Variants in PALLD observed in about 807,000 individuals in gnomAD.
PALLD encodes the protein palladin.
A neutral mutation model predicts 123.5 loss-of-function variants in PALLD; 61 were observed. That is an observed-to-expected ratio of 0.49 (90% confidence interval 0.40 to 0.61). The LOEUF (loss-of-function observed/expected upper bound fraction) is 0.61. Among genes scored for constraint, PALLD ranks in the 20% least tolerant of loss-of-function variants. PALLD has a pLI of 0.00. For missense variants in PALLD, 1,273 were observed against 1,377.0 expected, an observed-to-expected ratio of 0.92 and a Z score of 1.20; for synonymous variants, 465 against 496.4, an observed-to-expected ratio of 0.94 and a Z score of 0.84.
chr4:168,761,664 T>TTTTTTTTTTTTTTTTTTTTG, intron 10 of PALLD, among the ~76,000 whole-genome samples: 1 of 75,812 alleles, frequency 1.3e-5, no homozygotes, highest in African/African-American at 4.3e-5. Context: ...TTTTTTTTTT[T>TTTTTTTTTTTTTTTTTTTTG]TTTTTTTTTT....
chr4:168,766,439 T>C (rs1733671753), intron 10 of PALLD, among the ~76,000 whole-genome samples: 1 of 152,202 alleles, frequency 6.6e-6, no homozygotes, highest in Admixed American at 6.5e-5. Context: ...ACTCAAATGG[T>C]AGTGTCATGG....
chr4:168,583,080 A>T (rs1770453587), intron 2 of PALLD, among the ~76,000 whole-genome samples: 1 of 152,172 alleles, frequency 6.6e-6, no homozygotes, highest in African/African-American at 2.4e-5. Flanking sequence ...ACTCTCTTCT[A>T]TATATTTCAG....
At position 168,752,468 on chromosome 4, in the gene PALLD, G is replaced by A. The variant is rs552201141; in HGVS notation, c.1964+40545G>A. ...AGTTCCCATAACTTTCTTGATAAAA[G>A]GCAGATGTTGCTTTTCCATAGAATA... On this transcript the variant is annotated intron_variant, in intron 10 of 21. Transcript: ENST00000505667. Among the ~76,000 whole-genome samples the A allele has an allele frequency of 4.6e-5, 7 of 152,298 alleles. No homozygotes were observed. In the South Asian group the frequency reaches 8.3e-4, roughly 18 times the overall value.
intron 12 of PALLD, 148 bp downstream of exon 12, chr4:168,894,825 CAGCTAATTTTTATTGAGCACAT>C: frequency 1.5e-6 from 2 of 1,345,984 alleles, no homozygotes; most frequent in Non-Finnish European, 2.0e-6. Flanking sequence ...GTCAACCTCA[CAGCTAATTTTTATTGAGCACAT>C]ACTATGTTAA....
At chr4:168,859,813 GT>G (rs1430092386) in intron 10 of PALLD, among the ~76,000 whole-genome samples, 1 of 152,082 alleles carries the variant, frequency 6.6e-6, no homozygotes, top group East Asian at 1.9e-4. Flanking sequence ...CACATATGCA[GT>G]TTGTTTTCTA....
chr4:168,592,224 C>T (rs1771511893), intron 2 of PALLD, among the ~76,000 whole-genome samples: 1 of 151,820 alleles, frequency 6.6e-6, no homozygotes, highest in South Asian at 2.1e-4. Flanking sequence ...GGGGGTTTCA[C>T]CATGTTGGTC....
chr4:168,591,076 G>A (rs146728092), intron 2 of PALLD, among the ~76,000 whole-genome samples: 3,720 of 151,888 alleles, frequency 0.024, 65 homozygotes, highest in Middle Eastern at 0.078. Context: ...ACAGAGTTTC[G>A]CCATGTTGGC....
chr4:168,503,814 C>A (rs1053546137), intron 1 of PALLD, among the ~76,000 whole-genome samples: 7 of 152,120 alleles, frequency 4.6e-5, no homozygotes, highest in African/African-American at 1.7e-4. Context: ...GAGGGTGAGG[C>A]TGGAGCATTT....
At chr4:168,683,138 C>G (rs369439302) in intron 5 of PALLD, 35 bp downstream of exon 5, 1 of 1,195,770 alleles carries the variant, frequency 8.4e-7, no homozygotes. Flanking sequence ...CATAAGGGGT[C>G]GAACTCATCA....
At chr4:168,614,944 G>A (rs1234436852) in intron 2 of PALLD, among the ~76,000 whole-genome samples, 1 of 152,052 alleles carries the variant, frequency 6.6e-6, no homozygotes, top group Non-Finnish European at 1.5e-5. Context: ...ATAGGCTGTG[G>A]GTATTTAAAA....
chr4:168,707,696 A>G (rs1784357337), intron 8 of PALLD, among the ~76,000 whole-genome samples: 1 of 152,242 alleles, frequency 6.6e-6, no homozygotes. Context: ...GCAGAGGCAC[A>G]TTAAAAAGAG....
chr4:168,508,667 A>T (rs1301350427), intron 1 of PALLD, among the ~76,000 whole-genome samples: 1 of 152,244 alleles, frequency 6.6e-6, no homozygotes, highest in Non-Finnish European at 1.5e-5. Context: ...AATAAATAAC[A>T]AATAAAAAAC....
chr4:168,762,554 G>A (rs1191980827), intron 10 of PALLD, among the ~76,000 whole-genome samples: 3 of 152,214 alleles, frequency 2.0e-5, no homozygotes, highest in South Asian at 2.1e-4. Flanking sequence ...TGGAGAAATA[G>A]GAATGCTTTT....
chr4:168,586,111 T>G (rs1336043430), intron 2 of PALLD, among the ~76,000 whole-genome samples: 1 of 143,126 alleles, frequency 7.0e-6, no homozygotes, highest in Non-Finnish European at 1.5e-5. Context: ...CTTTAAGATA[T>G]CTTTAGTATA....
At chr4:168,825,993 A>G (rs1249803756) in intron 10 of PALLD, among the ~76,000 whole-genome samples, 1 of 152,224 alleles carries the variant, frequency 6.6e-6, no homozygotes, top group Non-Finnish European at 1.5e-5. Flanking sequence ...CACTATATAT[A>G]TAAGATACAA....
At chr4:168,663,621 G>A (rs1339930573) in intron 2 of PALLD, among the ~76,000 whole-genome samples, 6 of 152,144 alleles carry the variant, frequency 3.9e-5, no homozygotes, top group Admixed American at 3.9e-4. Flanking sequence ...ACCCTGGGAT[G>A]GGCAGTCCCT....
intron 2 of PALLD, among the ~76,000 whole-genome samples, chr4:168,590,641 A>G (rs969243008): frequency 4.6e-5 from 7 of 152,128 alleles, no homozygotes; most frequent in African/African-American, 1.7e-4. Context: ...GTAAGAAACA[A>G]TTCTTCATGA....
At chr4:168,565,871 T>C (rs1204022169) in intron 2 of PALLD, among the ~76,000 whole-genome samples, 2 of 152,236 alleles carry the variant, frequency 1.3e-5, no homozygotes, top group Admixed American at 1.3e-4. Flanking sequence ...TGAAATTTTA[T>C]AGCCTTGAGA....
intron 2 of PALLD, among the ~76,000 whole-genome samples, chr4:168,640,875 A>C (rs189195742): frequency 1.6e-4 from 24 of 152,276 alleles, no homozygotes; most frequent in African/African-American, 5.3e-4. Flanking sequence ...TAGAATTCCT[A>C]AAAATCCCGT....
Sources: gnomAD v4.1 joint callset for allele counts (sites outside exome capture counted in the v4.1 genomes callset) on GRCh38, gnomAD v4.1.1 for gene constraint, MANE v1.5 for transcripts, NCBI Gene and HGNC (gene_info 2026-07-23, HGNC 2026-07-21) for gene names.